The following PTPRM variants were observed in gnomAD, a reference collection of about 807,000 sequenced individuals.
PTPRM encodes the protein receptor-type tyrosine-protein phosphatase mu.
PTPRM carries 47 observed loss-of-function variants against 186.7 expected under a neutral mutation model. That is an observed-to-expected ratio of 0.25 (90% confidence interval 0.20 to 0.32). PTPRM has a LOEUF of 0.32. Among genes scored for constraint, PTPRM ranks in the 10% least tolerant of loss-of-function variants. PTPRM has a pLI of 1.00. For synonymous variants in PTPRM, 668 were observed against 674.9 expected, an observed-to-expected ratio of 0.99 and a Z score of 0.16; for missense variants, 1,494 against 1,865.0, an observed-to-expected ratio of 0.80 and a Z score of 3.66.
At chr18:8,231,081 C>G (rs1251478228) in intron 14 of PTPRM, among the ~76,000 whole-genome samples, 1 of 152,198 alleles carries the variant, frequency 6.6e-6, no homozygotes, top group Non-Finnish European at 1.5e-5. Context: ...TTTACCTTTC[C>G]ATGAGTTTTG....
At chr18:8,169,435 T>A (rs28652569) in intron 14 of PTPRM, among the ~76,000 whole-genome samples, 6,542 of 149,864 alleles carry the variant, frequency 0.044, 450 homozygotes, top group African/African-American at 0.15. Flanking sequence ...ATAAAAATAA[T>A]AAGTCTAAAA....
At chr18:8,232,679 C>T (rs1380646944) in intron 14 of PTPRM, among the ~76,000 whole-genome samples, 1 of 152,150 alleles carries the variant, frequency 6.6e-6, no homozygotes, top group Non-Finnish European at 1.5e-5. Flanking sequence ...GGGGTTTCAC[C>T]ATGTTGGCAA....
intron 7 of PTPRM, among the ~76,000 whole-genome samples, chr18:7,980,222 A>G (rs759280200): frequency 9.9e-5 from 15 of 151,766 alleles, no homozygotes; most frequent in South Asian, 2.1e-4. Flanking sequence ...CACCACATCA[A>G]TCATAAATCT....
At chr18:7,895,190 G>C (rs780587280) in intron 3 of PTPRM, among the ~76,000 whole-genome samples, 1 of 152,082 alleles carries the variant, frequency 6.6e-6, no homozygotes, top group Non-Finnish European at 1.5e-5. Flanking sequence ...ACAGCGGGGT[G>C]GGGGGTAGTG....
intron 17 of PTPRM, among the ~76,000 whole-genome samples, chr18:8,250,942 T>C (rs2094522653): frequency 6.6e-6 from 1 of 152,174 alleles, no homozygotes; most frequent in South Asian, 2.1e-4. Flanking sequence ...GAATGTCTAG[T>C]AGTATAAGTG....
At chr18:7,994,193 G>C (rs188668381) in intron 7 of PTPRM, among the ~76,000 whole-genome samples, 28 of 151,486 alleles carry the variant, frequency 1.8e-4, no homozygotes, top group Non-Finnish European at 3.5e-4. Flanking sequence ...AGAACTTTAA[G>C]TCAAAAAACA....
intron 1 of PTPRM, among the ~76,000 whole-genome samples, chr18:7,602,753 C>T (rs2037434290): frequency 6.7e-6 from 1 of 150,018 alleles, no homozygotes; most frequent in Non-Finnish European, 1.5e-5. Flanking sequence ...GAACGTGGAA[C>T]CTTAAAAATA....
At chr18:7,691,310 A>G (rs2039727447) in intron 1 of PTPRM, among the ~76,000 whole-genome samples, 3 of 152,152 alleles carry the variant, frequency 2.0e-5, no homozygotes, top group Non-Finnish European at 4.4e-5. Context: ...TTATATGTCT[A>G]TATTTTGAGA....
chr18:7,660,473 C>T (rs2038953654), intron 1 of PTPRM, among the ~76,000 whole-genome samples: 1 of 152,124 alleles, frequency 6.6e-6, no homozygotes, highest in Non-Finnish European at 1.5e-5. Context: ...GAACCCCTTC[C>T]CAAAGTAGGG....
intron 14 of PTPRM, 144 bp downstream of exon 14, chr18:8,143,923 A>C: frequency 8.8e-7 from 1 of 1,138,720 alleles, no homozygotes; most frequent in Non-Finnish European, 1.3e-6. Context: ...ATTTTTCATC[A>C]TGTGGCATGG....
rs745919700 is a variant in PTPRM at position 8,069,859 on chromosome 18, G to A, written c.1306G>A (p.Asp436Asn). 4.3e-6 allele frequency: 7 copies of A among 1,613,842 alleles called. No homozygotes were observed. The South Asian group carries it at 7.7e-5, about 18-fold the overall frequency. Residue 436 changes from aspartate (D) to asparagine (N), a missense_variant, in exon 8 of 33, where the codon GAT (aspartate) becomes AAT (asparagine). Physicochemically the swap from Asp to Asn is conservative, Grantham distance 23. Coordinates refer to ENST00000580170, the MANE Select transcript of PTPRM (RefSeq NM_001105244.2). The part of the protein sequence containing the change: ...QEQVREEVSW[D>N]TENSHPQHTI... ...ACAAGTGCGAGAAGAAGTAAGCTGG[G>A]ATACAGAAAACTCACACCCTCAACA...
rs1343842929 is a variant in PTPRM, at chr18:8,370,910, G to T, written c.3075G>T (p.Trp1025Cys). The change falls in exon 24 of 33, where the codon TGG becomes TGT. Residue 1025 changes from tryptophan (W) to cysteine (C), a missense_variant. This residue lies in a region of PTPRM where 1,107 missense variants were observed against 1,350.2 expected (regional missense o/e 0.82). Transcript: ENST00000580170. ...EVGRVKCCKYWPDDTEIYKDI... is the reference protein window; with the variant it reads ...EVGRVKCCKYCPDDTEIYKDI... Reference sequence around the variant, plus strand: ...TAAAGGTCAAATGCTGCAAATACTGGCCAGATGACACAGAGATATATAAAG... The same window carrying T: ...TAAAGGTCAAATGCTGCAAATACTGTCCAGATGACACAGAGATATATAAAG... 1 of 1,597,964 alleles carries T rather than the reference G, an allele frequency of 6.3e-7. No individual in the cohort carries two copies. The highest frequency in any genetic ancestry group is 8.5e-7 in the Non-Finnish European group (1 of 1,170,338).
chr18:8,288,075 G>A (rs2094977252), intron 19 of PTPRM, among the ~76,000 whole-genome samples: 1 of 152,302 alleles, frequency 6.6e-6, no homozygotes, highest in Non-Finnish European at 1.5e-5. Context: ...AGTCAGCTTT[G>A]ACCAAGTTTT....
intron 19 of PTPRM, among the ~76,000 whole-genome samples, chr18:8,277,653 T>G (rs999915682): frequency 3.3e-5 from 5 of 152,230 alleles, no homozygotes; most frequent in Non-Finnish European, 5.9e-5. Flanking sequence ...ATCTAACTGA[T>G]TAGAAATCTT....
At chr18:7,841,289 T>C (rs1481731147) in intron 2 of PTPRM, among the ~76,000 whole-genome samples, 1 of 131,332 alleles carries the variant, frequency 7.6e-6, no homozygotes, top group African/African-American at 3.0e-5. Flanking sequence ...TTCTTTTTTT[T>C]TTTTTTTTTT....
chr18:7,773,582 T>C (rs2042433528), intron 1 of PTPRM, among the ~76,000 whole-genome samples: 1 of 150,776 alleles, frequency 6.6e-6, no homozygotes, highest in South Asian at 2.1e-4. Flanking sequence ...TTTTTTTTTT[T>C]TTTTTTGTTT....
chr18:7,584,919 G>A (rs1159716018), intron 1 of PTPRM, among the ~76,000 whole-genome samples: 1 of 152,228 alleles, frequency 6.6e-6, no homozygotes, highest in African/African-American at 2.4e-5. Context: ...TCCAAGATGA[G>A]GGTTTGTCGT....
At chr18:8,042,241 TTAAG>T (rs2148174331) in intron 7 of PTPRM, among the ~76,000 whole-genome samples, 1 of 152,366 alleles carries the variant, frequency 6.6e-6, no homozygotes, top group South Asian at 2.1e-4. Context: ...TGTGTAACTA[TTAAG>T]TATGTACCAA....
At chr18:7,987,351 A>G (rs1031884781) in intron 7 of PTPRM, among the ~76,000 whole-genome samples, 3 of 152,248 alleles carry the variant, frequency 2.0e-5, no homozygotes, top group South Asian at 4.1e-4. Flanking sequence ...AGCCACCAGT[A>G]AGGGAGCAAG....
Sources: allele counts gnomAD v4.1 joint callset (sites outside exome capture counted in the v4.1 genomes callset), GRCh38; gene constraint gnomAD v4.1.1; regional missense constraint gnomAD v4.1.1; transcripts MANE v1.5; gene names NCBI Gene and HGNC (gene_info 2026-07-23, HGNC 2026-07-21).